The following GRM3 variants were observed in gnomAD, a reference collection of about 807,000 sequenced individuals.
The protein encoded by GRM3 is glutamate metabotropic receptor 3, also known as metabotropic glutamate receptor 3.
GRM3 carries 26 observed loss-of-function variants against 70.5 expected under a neutral mutation model. The ratio of observed to expected loss-of-function variants is 0.37; its 90% CI spans 0.27 to 0.51. GRM3 has a LOEUF of 0.51. Among genes scored for constraint, GRM3 ranks in the 20% least tolerant of loss-of-function variants. GRM3 has a pLI of 0.93. For missense variants in GRM3, 859 were observed against 1,123.8 expected (o/e 0.76, Z 3.37); for synonymous variants, 443 against 434.9 (o/e 1.02, Z -0.23).
chr7:86,689,962 C>T (rs1279556687), intron 1 of GRM3, among the ~76,000 whole-genome samples: 1 of 152,136 alleles, frequency 6.6e-6, no homozygotes, highest in Non-Finnish European at 1.5e-5. Context: ...AGCAATCACT[C>T]ACTAAGGGTC....
At chr7:86,823,580 G>GTT (rs1287755759) in intron 3 of GRM3, among the ~76,000 whole-genome samples, 1 of 119,732 alleles carries the variant, frequency 8.4e-6, no homozygotes, top group African/African-American at 3.4e-5. Flanking sequence ...GCTGTGTGAG[G>GTT]TATTTTTTTT....
At chr7:86,694,588 C>T (rs948357588) in intron 1 of GRM3, among the ~76,000 whole-genome samples, 1 of 150,372 alleles carries the variant, frequency 6.7e-6, no homozygotes, top group Admixed American at 6.6e-5. Flanking sequence ...AAAACCGAAC[C>T]TCATTCTGAT....
intron 1 of GRM3, among the ~76,000 whole-genome samples, chr7:86,705,824 C>T (rs1379319544): frequency 6.6e-6 from 1 of 152,048 alleles, no homozygotes; most frequent in African/African-American, 2.4e-5. Context: ...CATCTCTCCC[C>T]TTTGGAAAAA....
chr7:86,677,443 T>C (rs1794333976), intron 1 of GRM3, among the ~76,000 whole-genome samples: 1 of 152,006 alleles, frequency 6.6e-6, no homozygotes, highest in East Asian at 1.9e-4. Context: ...TACTTCCAGA[T>C]TTCTCTTTGA....
intron 5 of GRM3, among the ~76,000 whole-genome samples, chr7:86,859,559 G>C (rs1798915494): frequency 6.6e-6 from 1 of 151,820 alleles, no homozygotes; most frequent in Non-Finnish European, 1.5e-5. Flanking sequence ...AGACTTCCTG[G>C]GAAAAAATTA....
intron 1 of GRM3, among the ~76,000 whole-genome samples, chr7:86,664,785 A>G (rs73398416): frequency 0.036 from 5,424 of 151,794 alleles, 320 homozygotes; most frequent in African/African-American, 0.12. Flanking sequence ...CTGCATACCC[A>G]CCTCCTCTTG....
At chr7:86,804,259 G>A (rs1797741512) in intron 3 of GRM3, among the ~76,000 whole-genome samples, 1 of 152,192 alleles carries the variant, frequency 6.6e-6, no homozygotes, top group South Asian at 2.1e-4. Context: ...CACTGAACCA[G>A]TAAAGATCAT....
chr7:86,734,005 A>G (rs561109381), intron 1 of GRM3, among the ~76,000 whole-genome samples: 3 of 152,334 alleles, frequency 2.0e-5, no homozygotes, highest in Admixed American at 6.5e-5. Context: ...GCCTTGGCCT[A>G]TTCTTGACTG....
At position 86,730,788 on chromosome 7, in the gene GRM3, C is replaced by T. The variant is rs535753479; in HGVS notation, c.-140-34218C>T. On this transcript the variant is annotated intron_variant, in intron 1 of 5. Transcript: ENST00000361669. ...ATTATGTTTTCCACTGCAACTAATACGCAGGGAAAAGGAAACTTTGAGGGT... is the reference window on the plus strand; with the variant it reads ...ATTATGTTTTCCACTGCAACTAATATGCAGGGAAAAGGAAACTTTGAGGGT... Among the ~76,000 whole-genome samples, 62 of 152,252 alleles carry T rather than the reference C, an allele frequency of 4.1e-4. 2 individuals carry two copies. In the South Asian group the frequency reaches 8.9e-3, roughly 22 times the overall value.
At position 86,650,882 on chromosome 7, in the gene GRM3, T is replaced by G. The variant is rs536511973; in HGVS notation, c.-141+6010T>G. Among the ~76,000 whole-genome samples the G allele has an allele frequency of 5.3e-5, 8 of 152,348 alleles. No individual in the cohort carries two copies. In the South Asian group the frequency reaches 1.7e-3, roughly 32 times the overall value. ...AAAACAAGCTGGTAAAAAAGTTTTG[T>G]AGTATAGTAAAATTTTCAAATTTCT... On this transcript the variant is annotated intron_variant, in intron 1 of 5. Coordinates refer to ENST00000361669, the MANE Select transcript of GRM3 (RefSeq NM_000840.3).
Position 86,785,685 on chromosome 7 carries a change from A to ATTTTTTTTTTTTTT in GRM3, c.469-556_469-543dup, listed in dbSNP as rs749456155. 3.8e-4 allele frequency among the ~76,000 whole-genome samples: 25 copies of ATTTTTTTTTTTTTT among 65,234 alleles called. 5 individuals carry two copies. Among genetic ancestry groups the ATTTTTTTTTTTTTT allele is most frequent in the Admixed American group, 9.5e-4 (4 of 4,232 alleles). The allele number at this position is 65,234 out of a possible 152,430, so 42.8% of individuals were successfully genotyped here. ...TTGGGTGGTGGACTAAATAGAATTG[A>ATTTTTTTTTTTTTT]TTTTTTTTTTTTTTTTTTTTTTTTT... On this transcript the variant is annotated intron_variant, in intron 2 of 5. Transcript: ENST00000361669.
intron 1 of GRM3, among the ~76,000 whole-genome samples, chr7:86,744,533 A>AT (rs1796060023): frequency 6.6e-6 from 1 of 151,650 alleles, no homozygotes; most frequent in Non-Finnish European, 1.5e-5. Flanking sequence ...AGTAGCAAAG[A>AT]TTCCCCAACA....
chr7:86,681,438 T>C (rs761600835), intron 1 of GRM3, among the ~76,000 whole-genome samples: 3 of 152,188 alleles, frequency 2.0e-5, no homozygotes, highest in Non-Finnish European at 2.9e-5. Context: ...GTCACATTAA[T>C]GAAATTAAAT....
At position 86,864,543 on chromosome 7, in the gene GRM3, C is replaced by T. The variant is rs1484889530; in HGVS notation, c.*188C>T. 8.0e-6 allele frequency: 4 copies of T among 498,590 alleles called. No individual in the cohort carries two copies. Among genetic ancestry groups the T allele is most frequent in the African/African-American group, 7.8e-5 (4 of 51,382 alleles). 30.9% of individuals were successfully genotyped at this position (498,590 alleles called of 1,614,324 possible). ...ACTTTCTAGGCTGAGTCTAGTGCCC[C>T]TATTATTAACAATTCCCCCAGAACA... On this transcript the variant is annotated 3_prime_UTR_variant, in exon 6 of 6. Transcript: ENST00000361669.
intron 2 of GRM3, among the ~76,000 whole-genome samples, chr7:86,781,892 C>T (rs1797073962): frequency 6.6e-6 from 1 of 152,070 alleles, no homozygotes; most frequent in African/African-American, 2.4e-5. Flanking sequence ...TATTATCCAA[C>T]TCCTATCACT....
chr7:86,709,254 G>A (rs998710141), intron 1 of GRM3, among the ~76,000 whole-genome samples: 4 of 151,706 alleles, frequency 2.6e-5, no homozygotes, highest in Non-Finnish European at 5.9e-5. Flanking sequence ...TAAGGTCCCC[G>A]TAACCGCAAT....
chr7:86,848,547 C>A lies in GRM3; in HGVS notation c.2392-1823C>A, dbSNP rs554359377. Among the ~76,000 whole-genome samples, 136 of 152,194 alleles carry A rather than the reference C, an allele frequency of 8.9e-4. 1 individual carries two copies. The highest frequency in any genetic ancestry group is 5.4e-3 in the Admixed American group (82 of 15,262). ...CCCTGCAGGACCTTGAGTGAGTTGA[C>A]TGGGAGATCTCTATTTTGATTTGTC... On this transcript the variant is annotated intron_variant, in intron 4 of 5. Transcript: ENST00000361669.
chr7:86,858,246 A>G (rs1365480716), intron 5 of GRM3, among the ~76,000 whole-genome samples: 2 of 152,046 alleles, frequency 1.3e-5, no homozygotes, highest in African/African-American at 4.8e-5. Context: ...ATGAACCACC[A>G]TGCCTGGCCA....
chr7:86,828,609 G>T (rs1048767821), intron 3 of GRM3, among the ~76,000 whole-genome samples: 2 of 152,130 alleles, frequency 1.3e-5, no homozygotes, highest in Non-Finnish European at 2.9e-5. Flanking sequence ...ATACTTTATT[G>T]CTAAAAAATG....
Sources: allele counts gnomAD v4.1 joint callset (sites outside exome capture counted in the v4.1 genomes callset), GRCh38; gene constraint gnomAD v4.1.1; transcripts MANE v1.5; gene names NCBI Gene and HGNC (gene_info 2026-07-23, HGNC 2026-07-21).